Variants in NFU1 observed in about 807,000 individuals in gnomAD.
NFU1 encodes the protein NFU1 iron-sulfur cluster scaffold homolog, mitochondrial.
A neutral mutation model predicts 32.2 loss-of-function variants in NFU1; 30 were observed. The observed-to-expected ratio is 0.93, with a 90% CI of 0.70 to 1.26. The LOEUF is 1.26. NFU1 is among the 50% of genes most tolerant of loss of function. The pLI is 0.00. For synonymous variants in NFU1, 112 were observed against 104.6 expected (o/e 1.07, Z -0.43); for missense variants, 306 against 306.6 (o/e 1.00, Z 0.02).
At chr2:69,398,553 T>G (rs1452614170) in intron 7 of NFU1, among the ~76,000 whole-genome samples, 4 of 152,248 alleles carry the variant, frequency 2.6e-5, no homozygotes, top group Non-Finnish European at 5.9e-5. Flanking sequence ...AATCTTGCCC[T>G]TAAGCAAATT....
chr2:69,406,486 C>CA (rs981257784), intron 5 of NFU1, among the ~76,000 whole-genome samples: 1 of 152,200 alleles, frequency 6.6e-6, no homozygotes, highest in Admixed American at 6.5e-5. Context: ...AGTTAAGTTA[C>CA]ATCTTCAGTT....
chr2:69,436,835 G>A (rs1673855242), intron 1 of NFU1, among the ~76,000 whole-genome samples: 1 of 150,782 alleles, frequency 6.6e-6, no homozygotes, highest in South Asian at 2.1e-4. Flanking sequence ...AATGGTGGTG[G>A]GTGCAGGGAA....
chr2:69,417,833 C>A (rs1349865214), intron 4 of NFU1, among the ~76,000 whole-genome samples: 1 of 148,322 alleles, frequency 6.7e-6, no homozygotes, highest in African/African-American at 2.5e-5. Flanking sequence ...AGATGACTTA[C>A]TAAATCTAAT....
chr2:69,417,229 A>C (rs559372787), intron 4 of NFU1, among the ~76,000 whole-genome samples: 1 of 152,332 alleles, frequency 6.6e-6, no homozygotes, highest in African/African-American at 2.4e-5. Flanking sequence ...AAGTCTAATT[A>C]TCAACTGGAA....
chr2:69,403,019 T>C (rs1414331609), intron 6 of NFU1, among the ~76,000 whole-genome samples: 1 of 146,516 alleles, frequency 6.8e-6, no homozygotes, highest in East Asian at 2.1e-4. Flanking sequence ...TTCACTTCCT[T>C]CCTCCCTCCC....
At chr2:69,428,230 G>A (rs1673529723) in intron 2 of NFU1, among the ~76,000 whole-genome samples, 1 of 152,052 alleles carries the variant, frequency 6.6e-6, no homozygotes, top group Non-Finnish European at 1.5e-5. Flanking sequence ...TTCGAGAACA[G>A]CCTGGTCAAC....
chr2:69,400,527 T>C lies in NFU1; in HGVS notation c.557A>G (p.Gln186Arg), dbSNP rs759821535. Residue 186 changes from glutamine (Q) to arginine (R), a missense_variant, in exon 7 of 8, where the codon CAG (glutamine) becomes CGG (arginine). Coordinates refer to ENST00000410022, the MANE Select transcript of NFU1 (RefSeq NM_001002755.4). ...LLDTRIRPTV[Q>R]EDGGDVIYKG... is the part of the protein sequence containing the mutation. ...GTAGATTACATCCCCTCCATCTTCCTGCACAGTTGGCCTGTGAGGTCAAAG... is the reference window on the plus strand; with the variant it reads ...GTAGATTACATCCCCTCCATCTTCCCGCACAGTTGGCCTGTGAGGTCAAAG... The C allele has an allele frequency of 6.2e-7, 1 of 1,614,070 alleles. No homozygotes were observed. The highest frequency in any genetic ancestry group is 1.7e-5 in the Admixed American group (1 of 60,018).
intron 3 of NFU1, among the ~76,000 whole-genome samples, chr2:69,421,620 T>G (rs894818420): frequency 7.6e-6 from 1 of 131,226 alleles, no homozygotes; most frequent in African/African-American, 2.9e-5. Flanking sequence ...CAGGCTGGAA[T>G]GCAGTGGCGC....
intron 7 of NFU1, among the ~76,000 whole-genome samples, chr2:69,396,522 G>A (rs1013635817): frequency 1.3e-5 from 2 of 151,984 alleles, no homozygotes; most frequent in Non-Finnish European, 2.9e-5. Flanking sequence ...TTAGCCAGGC[G>A]GGCGCCTGTA....
At chr2:69,437,489 CCGGTAGCTGGG>C (rs766593986), upstream of NFU1, 107 of 1,565,340 alleles carry the variant, frequency 6.8e-5, no homozygotes, top group African/African-American at 1.1e-3. Context: ...CGCAGGCTGG[CCGGTAGCTGGG>C]CGGGCACTGG....
intron 5 of NFU1, among the ~76,000 whole-genome samples, chr2:69,410,282 A>C (rs1411933084): frequency 3.3e-5 from 5 of 152,080 alleles, no homozygotes; most frequent in African/African-American, 1.2e-4. Context: ...CCAGCTGCTC[A>C]GGTGGCTGAG....
chr2:69,415,445 T>A, intron 4 of NFU1, 146 bp from the exon 5 acceptor site: 1 of 604,400 alleles, frequency 1.7e-6, no homozygotes, highest in South Asian at 1.9e-5. Flanking sequence ...AGTGGTGTGA[T>A]CTTGGCTCAC....
chr2:69,408,565 C>G (rs1672773093), intron 5 of NFU1, among the ~76,000 whole-genome samples: 1 of 151,702 alleles, frequency 6.6e-6, no homozygotes, highest in Admixed American at 6.6e-5. Context: ...ACTAAAAATA[C>G]AGAAATTAGC....
Position 69,400,538 on chromosome 2 carries a change from C to T in NFU1, c.546G>A (p.Arg182=), listed in dbSNP as rs1401831965. ...MIKELLDTRI[R]PTVQEDGGDV... ...CCCCTCCATCTTCCTGCACAGTTGG[C>T]CTGTGAGGTCAAAGAATATTTATGA... The change falls in exon 7 of 8, where the codon CGG becomes CGA. Residue 182 remains arginine, a splice_region_variant and synonymous_variant. Coordinates refer to ENST00000410022, the MANE Select transcript of NFU1 (RefSeq NM_001002755.4). The T allele has an allele frequency of 1.2e-6, 2 of 1,613,398 alleles. No homozygotes were observed. Among genetic ancestry groups the T allele is most frequent in the Middle Eastern group, 1.6e-4 (1 of 6,084 alleles).
At chr2:69,405,204 T>C (rs914458735) in intron 6 of NFU1, among the ~76,000 whole-genome samples, 1 of 152,042 alleles carries the variant, frequency 6.6e-6, no homozygotes, top group African/African-American at 2.4e-5. Flanking sequence ...TGAGATTGCA[T>C]GCCAGCCTGG....
chr2:69,409,385 A>G (rs896079322), intron 5 of NFU1, among the ~76,000 whole-genome samples: 5 of 152,178 alleles, frequency 3.3e-5, no homozygotes, highest in African/African-American at 1.2e-4. Context: ...ATAGTTAAAA[A>G]ATATTTCAGT....
At chr2:69,420,594 GACTC>G (rs1362024683) in intron 3 of NFU1, among the ~76,000 whole-genome samples, 1 of 152,048 alleles carries the variant, frequency 6.6e-6, no homozygotes. Flanking sequence ...TATCATATTG[GACTC>G]ACTGTTCTGC....
chr2:69,433,194 T>C (rs1185804483), intron 1 of NFU1, among the ~76,000 whole-genome samples: 1 of 151,910 alleles, frequency 6.6e-6, no homozygotes, highest in Non-Finnish European at 1.5e-5. Context: ...TTTTTGTTTT[T>C]GAGATGGAGT....
chr2:69,431,392 A>G (rs11885665), intron 2 of NFU1, among the ~76,000 whole-genome samples: 1,843 of 152,176 alleles, frequency 0.012, 30 homozygotes, highest in East Asian at 0.038. Context: ...TGCAAGCTTG[A>G]ACTCCTGGGC....
Sources: allele counts gnomAD v4.1 joint callset (sites outside exome capture counted in the v4.1 genomes callset), GRCh38; gene constraint gnomAD v4.1.1; transcripts MANE v1.5; gene names NCBI Gene and HGNC (gene_info 2026-07-23, HGNC 2026-07-21).